Variants in CDH13 observed in about 807,000 individuals in gnomAD.
CDH13 encodes the protein cadherin-13.
A neutral mutation model predicts 63.8 loss-of-function variants in CDH13; 24 were observed. The observed-to-expected ratio is 0.38, with a 90% CI of 0.27 to 0.53. The LOEUF (loss-of-function observed/expected upper bound fraction) is 0.53. Among genes scored for constraint, CDH13 ranks in the 20% least tolerant of loss-of-function variants. The probability of loss-of-function intolerance (pLI) is 0.85; values close to 1 mark genes in which losing one functional copy is unlikely to be tolerated. For missense variants in CDH13, 1,049 were observed against 903.1 expected, an observed-to-expected ratio of 1.16 and a Z score of -2.07; for synonymous variants, 503 against 355.3, an observed-to-expected ratio of 1.42 and a Z score of -4.67.
At chr16:82,791,517 G>A (rs2036303976) in intron 1 of CDH13, among the ~76,000 whole-genome samples, 1 of 152,178 alleles carries the variant, frequency 6.6e-6, no homozygotes, top group East Asian at 1.9e-4. Flanking sequence ...TGGGAGCTCT[G>A]TTTTCACTCT....
At chr16:83,332,854 C>G (rs79533184) in intron 5 of CDH13, among the ~76,000 whole-genome samples, 3 of 152,058 alleles carry the variant, frequency 2.0e-5, no homozygotes, top group Non-Finnish European at 4.4e-5. Flanking sequence ...CCCTGAAAGT[C>G]TAGTGTGATT....
At chr16:83,464,841 C>G (rs1466503024) in intron 6 of CDH13, among the ~76,000 whole-genome samples, 1 of 152,298 alleles carries the variant, frequency 6.6e-6, no homozygotes, top group East Asian at 1.9e-4. Context: ...TGGGGTTTCA[C>G]CAAGTTGCCC....
chr16:82,919,559 C>A (rs1362071375), intron 2 of CDH13, among the ~76,000 whole-genome samples: 2 of 152,212 alleles, frequency 1.3e-5, no homozygotes, highest in African/African-American at 4.8e-5. Context: ...TCTATGGCTG[C>A]ATAATACTCC....
chr16:83,066,676 T>C (rs2032035097), intron 3 of CDH13, among the ~76,000 whole-genome samples: 1 of 152,208 alleles, frequency 6.6e-6, no homozygotes, highest in Non-Finnish European at 1.5e-5. Flanking sequence ...ATCACATGCA[T>C]TGAAATACAC....
intron 7 of CDH13, among the ~76,000 whole-genome samples, chr16:83,516,101 T>C (rs1223058983): frequency 6.6e-6 from 1 of 152,204 alleles, no homozygotes; most frequent in African/African-American, 2.4e-5. Flanking sequence ...TGGGTTCTTA[T>C]CTTCATCATA....
chr16:82,982,838 A>T (rs2151388549), intron 2 of CDH13, among the ~76,000 whole-genome samples: 1 of 152,298 alleles, frequency 6.6e-6, no homozygotes, highest in East Asian at 1.9e-4. Context: ...TTATTGAGGG[A>T]TGAAGAGTCT....
chr16:83,417,794 G>T (rs931027075), intron 6 of CDH13, among the ~76,000 whole-genome samples: 3 of 152,026 alleles, frequency 2.0e-5, no homozygotes, highest in African/African-American at 7.3e-5. Context: ...TTTTCCAATT[G>T]AACAAATCCC....
At chr16:83,734,560 C>T (rs1911349331) in intron 10 of CDH13, among the ~76,000 whole-genome samples, 1 of 147,274 alleles carries the variant, frequency 6.8e-6, no homozygotes, top group African/African-American at 2.5e-5. Context: ...GGAAGGGGAA[C>T]ATCACACTCT....
chr16:83,326,107 G>A (rs1460730622), intron 5 of CDH13, among the ~76,000 whole-genome samples: 5 of 152,188 alleles, frequency 3.3e-5, no homozygotes, highest in African/African-American at 1.2e-4. Context: ...CCAGAACACA[G>A]TATTGGGGAT....
At chr16:83,424,631 AG>A (rs2071830760) in intron 6 of CDH13, among the ~76,000 whole-genome samples, 1 of 152,222 alleles carries the variant, frequency 6.6e-6, no homozygotes, top group Non-Finnish European at 1.5e-5. Context: ...AAAAATAAAA[AG>A]GAAGAAATTA....
At chr16:83,213,859 C>T (rs1368833072) in intron 4 of CDH13, among the ~76,000 whole-genome samples, 1 of 151,968 alleles carries the variant, frequency 6.6e-6, no homozygotes, top group Non-Finnish European at 1.5e-5. Context: ...GTAAAATGCA[C>T]CAATCAGTGC....
At chr16:83,552,702 G>C (rs956277556) in intron 7 of CDH13, among the ~76,000 whole-genome samples, 6 of 152,328 alleles carry the variant, frequency 3.9e-5, no homozygotes, top group African/African-American at 1.2e-4. Context: ...TGTCACTAAA[G>C]AAAGAATGTT....
chr16:83,130,312 A>G (rs958952767), intron 4 of CDH13, among the ~76,000 whole-genome samples: 3 of 152,244 alleles, frequency 2.0e-5, no homozygotes, highest in Admixed American at 2.0e-4. Flanking sequence ...CCACACAGCT[A>G]GTTCATAACA....
chr16:83,614,692 C>A (rs1486786251), intron 8 of CDH13, among the ~76,000 whole-genome samples: 1 of 152,054 alleles, frequency 6.6e-6, no homozygotes, highest in Admixed American at 6.5e-5. Flanking sequence ...AGAAGCTTTC[C>A]CCAATCATCA....
chr16:82,927,151 T>C (rs1188599928), intron 2 of CDH13, among the ~76,000 whole-genome samples: 1 of 152,122 alleles, frequency 6.6e-6, no homozygotes, highest in African/African-American at 2.4e-5. Flanking sequence ...CCTCACAGGA[T>C]GGTAGGTGGT....
chr16:83,602,700 A>C, intron 8 of CDH13, 106 bp downstream of exon 8: 2 of 1,117,818 alleles, frequency 1.8e-6, no homozygotes, highest in Non-Finnish European at 2.7e-6. Flanking sequence ...TTTCAAAATC[A>C]AAATACTCCT....
intron 1 of CDH13, among the ~76,000 whole-genome samples, chr16:82,760,417 TTTATC>T (rs2034789033): frequency 6.6e-6 from 1 of 152,144 alleles, no homozygotes. Context: ...TTCACCATTG[TTTATC>T]TTATGATTTT....
intron 3 of CDH13, among the ~76,000 whole-genome samples, chr16:83,049,274 A>G (rs775115755): frequency 4.7e-5 from 7 of 149,732 alleles, no homozygotes; most frequent in Non-Finnish European, 1.0e-4. Context: ...ACCTATTTTT[A>G]TATATAATAT....
chr16:83,683,642 T>C (rs1598473078), intron 10 of CDH13, among the ~76,000 whole-genome samples: 1 of 152,336 alleles, frequency 6.6e-6, no homozygotes, highest in Middle Eastern at 3.4e-3. Context: ...ATTTACATTG[T>C]TTACACTTGT....
Sources: gnomAD v4.1 joint callset for allele counts (sites outside exome capture counted in the v4.1 genomes callset) on GRCh38, gnomAD v4.1.1 for gene constraint, MANE v1.5 for transcripts, NCBI Gene and HGNC (gene_info 2026-07-23, HGNC 2026-07-21) for gene names.